The following ANKRD44 variants were observed in gnomAD, a reference collection of about 807,000 sequenced individuals.
ANKRD44 encodes the protein serine/threonine-protein phosphatase 6 regulatory ankyrin repeat subunit B.
A neutral mutation model predicts 116.0 loss-of-function variants in ANKRD44; 35 were observed. The observed-to-expected ratio is 0.30, with a 90% CI of 0.23 to 0.40. ANKRD44 has a LOEUF of 0.40. Ranked by LOEUF, ANKRD44 falls within the 10% of genes least tolerant of loss-of-function variation. The pLI is 1.00. For missense variants in ANKRD44, 1,014 were observed against 1,242.6 expected (o/e 0.82, Z 2.77); for synonymous variants, 435 against 461.8 (o/e 0.94, Z 0.74).
rs1406916269 is a variant in ANKRD44, at chr2:197,216,648, CA to C, written c.28-29543del. 2.6e-5 allele frequency among the ~76,000 whole-genome samples: 4 copies of C among 152,104 alleles called. No individual in the cohort carries two copies. The South Asian group carries it at 8.3e-4, about 31-fold the overall frequency. ...TTTCTAAGATACTGAGTTCAAAGTG[CA>C]TGTCATCATTTCTCACTTCCCCTTC... On this transcript the variant is annotated intron_variant, in intron 1 of 27. Coordinates refer to ENST00000282272, the MANE Select transcript of ANKRD44 (RefSeq NM_001195144.2).
intron 16 of ANKRD44, among the ~76,000 whole-genome samples, chr2:197,054,298 G>T (rs1388772409): frequency 2.0e-5 from 3 of 152,018 alleles, no homozygotes; most frequent in Non-Finnish European, 4.4e-5. Context: ...AGAACTGAGA[G>T]AAACGGTTTG....
chr2:197,059,078 G>A (rs2077259732), intron 16 of ANKRD44, among the ~76,000 whole-genome samples: 1 of 152,022 alleles, frequency 6.6e-6, no homozygotes, highest in Admixed American at 6.6e-5. Flanking sequence ...TTATCATGGT[G>A]GTAATTTACT....
chr2:197,269,548 GA>G (rs2082838950), intron 1 of ANKRD44, among the ~76,000 whole-genome samples: 1 of 152,210 alleles, frequency 6.6e-6, no homozygotes, highest in Non-Finnish European at 1.5e-5. Context: ...GAAAGGAAAA[GA>G]GGGGGCAGGG....
chr2:197,049,304 T>C (rs1294317821), intron 16 of ANKRD44, among the ~76,000 whole-genome samples: 1 of 152,242 alleles, frequency 6.6e-6, no homozygotes, highest in Non-Finnish European at 1.5e-5. Context: ...AGGGTTTTTA[T>C]GGTTTTAGGA....
chr2:196,985,636 C>G (rs887083144), downstream of ANKRD44, among the ~76,000 whole-genome samples: 3 of 152,154 alleles, frequency 2.0e-5, no homozygotes, highest in African/African-American at 7.2e-5. Context: ...AGTTGTATAA[C>G]TTCTCTAGGA....
intron 8 of ANKRD44, among the ~76,000 whole-genome samples, chr2:197,120,901 C>G (rs1213973106): frequency 2.6e-5 from 4 of 151,888 alleles, no homozygotes. Context: ...TCAGCTGATA[C>G]CACCACTCCT....
intron 17 of ANKRD44, among the ~76,000 whole-genome samples, chr2:197,018,107 C>A (rs1276828931): frequency 1.3e-5 from 2 of 152,230 alleles, no homozygotes; most frequent in African/African-American, 2.4e-5. Context: ...GCATCACCAA[C>A]CTGTTTTGCC....
In ANKRD44 at chr2:197,125,904, C is replaced by T; in HGVS notation, c.395G>A (p.Ser132Asn). Residue 132 changes from serine (S) to asparagine (N), a missense_variant, in exon 5 of 28, where the codon AGT becomes AAT. By Grantham distance (46) the Ser-to-Asn change is conservative. Coordinates refer to ENST00000282272, the MANE Select transcript of ANKRD44 (RefSeq NM_001195144.2). Reference protein sequence around the residue: ...CAEVIIPLLSSVNVSDRGGRT... With the variant: ...CAEVIIPLLSNVNVSDRGGRT... ...CCCCCCTCGGTCGGAGACATTGACA[C>T]TGCTCAGCAGGGGAATGATCACTTC... is the stretch of plus-strand genomic sequence containing the variant. The T allele has an allele frequency of 1.9e-6, 3 of 1,614,234 alleles. No homozygotes were observed. Among genetic ancestry groups the T allele is most frequent in the Non-Finnish European group, 1.7e-6 (2 of 1,180,042 alleles).
intron 1 of ANKRD44, among the ~76,000 whole-genome samples, chr2:197,276,719 T>C (rs2083096999): frequency 6.6e-6 from 1 of 152,150 alleles, no homozygotes; most frequent in Admixed American, 6.5e-5. Context: ...ATCTGTGAGT[T>C]TCCATTTCAG....
At chr2:197,309,173 A>C (rs2084164434) in intron 1 of ANKRD44, among the ~76,000 whole-genome samples, 1 of 152,250 alleles carries the variant, frequency 6.6e-6, no homozygotes, top group Non-Finnish European at 1.5e-5. Context: ...GGCCCAAGAC[A>C]CGCTAAAACT....
intron 2 of ANKRD44, among the ~76,000 whole-genome samples, chr2:197,173,654 C>T (rs947928565): frequency 5.9e-5 from 9 of 151,784 alleles, no homozygotes; most frequent in African/African-American, 1.9e-4. Context: ...TTTAAGGTAC[C>T]GAGAACAAAG....
At chr2:196,979,789 C>A (rs941023214) in intron 21 of ANKRD44, among the ~76,000 whole-genome samples, 1 of 151,892 alleles carries the variant, frequency 6.6e-6, no homozygotes, top group East Asian at 1.9e-4. Flanking sequence ...CTCGAACTCC[C>A]AACCTCAGGT....
intron 10 of ANKRD44, among the ~76,000 whole-genome samples, chr2:197,098,942 G>A (rs967675846): frequency 7.9e-5 from 12 of 152,192 alleles, no homozygotes; most frequent in Middle Eastern, 6.8e-3. Context: ...CCTCGGTGGT[G>A]CACAGCATCA....
In ANKRD44 at chr2:197,220,607, A is replaced by G. The variant is rs756369492; in HGVS notation, c.28-33501T>C. On this transcript the variant is annotated intron_variant, in intron 1 of 27. Coordinates refer to ENST00000282272, the MANE Select transcript of ANKRD44 (RefSeq NM_001195144.2). ...CCACAGCTAGACAATGAATGCTTCA[A>G]TTAATTCCTATGTCTGGCTGATTAT... 1.6e-4 allele frequency among the ~76,000 whole-genome samples: 24 copies of G among 152,186 alleles called. 1 individual carries two copies. Among genetic ancestry groups the G allele is most frequent in the South Asian group, 2.1e-4 (1 of 4,826 alleles).
chr2:197,018,308 G>A (rs73049634), intron 17 of ANKRD44, among the ~76,000 whole-genome samples: 6,288 of 152,060 alleles, frequency 0.041, 409 homozygotes, highest in African/African-American at 0.14. Flanking sequence ...CCAGAATCTG[G>A]CCTTCCTCTA....
In ANKRD44 at chr2:197,118,004, G is replaced by A. The variant is rs183509513; in HGVS notation, c.906+3328C>T. 3.5e-3 allele frequency among the ~76,000 whole-genome samples: 536 copies of A among 152,100 alleles called. 16 individuals carry two copies. The highest frequency in any genetic ancestry group is 0.034 in the Admixed American group (512 of 15,282). Reference sequence around the variant, plus strand: ...AGGCAGGCAGATCACTTGAGCTCGGGAGTTGGAGGCCAGCCTGGGCAACAT... The same window carrying A: ...AGGCAGGCAGATCACTTGAGCTCGGAAGTTGGAGGCCAGCCTGGGCAACAT... On this transcript the variant is annotated intron_variant, in intron 8 of 27. Coordinates refer to ENST00000282272, the MANE Select transcript of ANKRD44 (RefSeq NM_001195144.2).
intron 4 of ANKRD44, among the ~76,000 whole-genome samples, chr2:197,129,140 CTTT>C (rs761063333): frequency 1.4e-5 from 2 of 142,066 alleles, no homozygotes; most frequent in Non-Finnish European, 1.5e-5. Context: ...GTTTCTTTTT[CTTT>C]TTTTTTTTTT....
rs1187003352 is a variant in ANKRD44, at chr2:197,197,547, A to C, written c.28-10441T>G. Among the ~76,000 whole-genome samples, 5 of 152,178 alleles carry C rather than the reference A, an allele frequency of 3.3e-5. No homozygotes were observed. The East Asian group carries it at 9.6e-4, about 29-fold the overall frequency. On this transcript the variant is annotated intron_variant, in intron 1 of 27. Transcript: ENST00000282272. ...CACTGGAGGCCGGGCGCAGTAGCTC[A>C]TGCTTGTAATCCCAACACTTTGGGA...
At chr2:197,243,593 A>G (rs1259789623) in intron 1 of ANKRD44, among the ~76,000 whole-genome samples, 1 of 152,238 alleles carries the variant, frequency 6.6e-6, no homozygotes, top group Admixed American at 6.5e-5. Flanking sequence ...TATAAGGTTA[A>G]CTTATAAACA....
Sources: gnomAD v4.1 joint callset for allele counts (sites outside exome capture counted in the v4.1 genomes callset) on GRCh38, gnomAD v4.1.1 for gene constraint, MANE v1.5 for transcripts, NCBI Gene and HGNC (gene_info 2026-07-23, HGNC 2026-07-21) for gene names.